PLPPR5: variants seen among roughly 807,000 people sequenced by gnomAD.
PLPPR5 encodes phospholipid phosphatase-related protein type 5.
In PLPPR5, 16 loss-of-function variants were observed where a neutral mutation model predicts 33.9. The ratio of observed to expected loss-of-function variants is 0.47; its 90% CI spans 0.32 to 0.72. The LOEUF (loss-of-function observed/expected upper bound fraction) is 0.72. PLPPR5 is among the 30% of genes least tolerant of loss of function. The probability of loss-of-function intolerance (pLI) is 0.03; values close to 1 mark genes in which losing one functional copy is unlikely to be tolerated. For synonymous variants in PLPPR5, 163 were observed against 150.3 expected (o/e 1.08, Z -0.62); for missense variants, 301 against 406.7 (o/e 0.74, Z 2.23).
chr1:98,981,912 G>T (rs1044784227), intron 1 of PLPPR5, among the ~76,000 whole-genome samples: 4 of 152,094 alleles, frequency 2.6e-5, no homozygotes, highest in Non-Finnish European at 5.9e-5. Context: ...GTTAATTGAA[G>T]TTGTAAGTGA....
chr1:98,943,384 AT>A (rs1034799281), intron 3 of PLPPR5, among the ~76,000 whole-genome samples: 8 of 152,198 alleles, frequency 5.3e-5, no homozygotes, highest in Non-Finnish European at 8.8e-5. Flanking sequence ...AGAAAAAAAA[AT>A]ATCCAGATAT....
rs369525525 is a variant in PLPPR5 at position 99,004,437 on chromosome 1, C to A, written c.235G>T (p.Val79Leu). Residue 79 changes from valine (V) to leucine (L), a missense_variant and splice_region_variant, in exon 1 of 6, where the codon GTG becomes TTG. Val to Leu is a conservative substitution (Grantham distance 32). Coordinates refer to ENST00000263177, the MANE Select transcript of PLPPR5 (RefSeq NM_001037317.2). ...AGGGCGAGCGCCCCCGGGCTTACCA[C>A]GAGCACGGGGACCCCGGCGGCCAGC... is the stretch of plus-strand genomic sequence containing the variant. ...YSLAAGVPVL[V>L]IIVGETAVFC... 1.9e-6 allele frequency: 3 copies of A among 1,602,720 alleles called. No homozygotes were observed. The highest frequency in any genetic ancestry group is 1.3e-5 in the African/African-American group (1 of 74,592).
intron 1 of PLPPR5, among the ~76,000 whole-genome samples, chr1:98,975,548 C>T (rs1651820540): frequency 6.6e-6 from 1 of 152,048 alleles, no homozygotes; most frequent in African/African-American, 2.4e-5. Context: ...ATATAACCTA[C>T]ATGTTATTTG....
chr1:98,973,021 C>T (rs1422053710), intron 1 of PLPPR5, among the ~76,000 whole-genome samples: 1 of 152,104 alleles, frequency 6.6e-6, no homozygotes, highest in Non-Finnish European at 1.5e-5. Context: ...AGAACAGACA[C>T]ATACTGTAGC....
rs554640857 is a variant in PLPPR5 at position 98,993,467 on chromosome 1, A to C, written c.237+10968T>G. Among the ~76,000 whole-genome samples the C allele has an allele frequency of 6.6e-5, 10 of 152,224 alleles. No individual in the cohort carries two copies. The East Asian group carries it at 1.7e-3, about 27-fold the overall frequency. Reference sequence around the variant, plus strand: ...AAGAGGAAATAAAGATCTCTTTGTGAAAGACCAAAAAGATTGTCATATAGT... The same window carrying C: ...AAGAGGAAATAAAGATCTCTTTGTGCAAGACCAAAAAGATTGTCATATAGT... On this transcript the variant is annotated intron_variant, in intron 1 of 5. Coordinates refer to ENST00000263177, the MANE Select transcript of PLPPR5 (RefSeq NM_001037317.2).
Position 98,953,166 on chromosome 1 carries a change from C to T in PLPPR5, c.525G>A (p.Glu175=). Residue 175 remains glutamate (E), a synonymous_variant, in exon 3 of 6, where the codon GAG becomes GAA. Coordinates refer to ENST00000263177, the MANE Select transcript of PLPPR5 (RefSeq NM_001037317.2). ...TGAGATCTGGGTTGCCAGTACAGGC[C>T]TCTTCCCCACTGATGAATTGTGTAT... ...QQYTQFISGE[E]ACTGNPDLIM... 2 of 1,614,064 alleles carry T rather than the reference C, an allele frequency of 1.2e-6. No homozygotes were observed. Among genetic ancestry groups the T allele is most frequent in the Non-Finnish European group, 1.7e-6 (2 of 1,180,002 alleles).
At chr1:98,973,081 T>C (rs1651713646) in intron 1 of PLPPR5, among the ~76,000 whole-genome samples, 1 of 152,068 alleles carries the variant, frequency 6.6e-6, no homozygotes, top group Non-Finnish European at 1.5e-5. Flanking sequence ...TGTTCAGATA[T>C]TGAATTAGTC....
At chr1:98,980,193 T>C (rs1652016301) in intron 1 of PLPPR5, among the ~76,000 whole-genome samples, 1 of 152,072 alleles carries the variant, frequency 6.6e-6, no homozygotes, top group Non-Finnish European at 1.5e-5. Context: ...TTTTGTGGCT[T>C]GACCTGCCTA....
At chr1:98,918,594 T>G (rs1212670544) in intron 4 of PLPPR5, among the ~76,000 whole-genome samples, 1 of 152,130 alleles carries the variant, frequency 6.6e-6, no homozygotes, top group African/African-American at 2.4e-5. Context: ...CTTATTAAAT[T>G]ATAAGAGGAC....
chr1:98,988,838 G>A (rs549461161), intron 1 of PLPPR5, among the ~76,000 whole-genome samples: 3 of 151,982 alleles, frequency 2.0e-5, no homozygotes, highest in African/African-American at 7.2e-5. Context: ...TTTCTCAATC[G>A]GTGCCTTCTG....
chr1:98,996,454 C>T (rs1478491071), intron 1 of PLPPR5, among the ~76,000 whole-genome samples: 2 of 152,084 alleles, frequency 1.3e-5, no homozygotes, highest in Admixed American at 1.3e-4. Flanking sequence ...TCTTAAACTA[C>T]ATCTGTCATA....
chr1:98,943,184 G>A (rs1194931971), intron 3 of PLPPR5, among the ~76,000 whole-genome samples: 2 of 152,124 alleles, frequency 1.3e-5, no homozygotes, highest in African/African-American at 4.8e-5. Context: ...ATGACATGAG[G>A]GTGGGTGCCC....
intron 2 of PLPPR5, among the ~76,000 whole-genome samples, chr1:98,955,900 TA>T (rs1175351853): frequency 2.6e-5 from 4 of 152,122 alleles, no homozygotes; most frequent in Non-Finnish European, 5.9e-5. Flanking sequence ...TTGCGTCAGT[TA>T]AAAAATGGGT....
chr1:98,942,656 A>C, intron 3 of PLPPR5, among the ~76,000 whole-genome samples: 1 of 152,186 alleles, frequency 6.6e-6, no homozygotes, highest in East Asian at 1.9e-4. Context: ...AGAAAGTGAT[A>C]GCTCTATCTG....
At chr1:98,898,484 G>A (rs1440663384) in intron 5 of PLPPR5, among the ~76,000 whole-genome samples, 1 of 152,130 alleles carries the variant, frequency 6.6e-6, no homozygotes, top group Non-Finnish European at 1.5e-5. Context: ...GAGCAGAAGA[G>A]AGGCAAAAAG....
intron 1 of PLPPR5, among the ~76,000 whole-genome samples, chr1:98,981,831 A>G (rs1246558028): frequency 2.0e-5 from 3 of 152,066 alleles, no homozygotes; most frequent in Admixed American, 6.6e-5. Flanking sequence ...CAAATTAGGA[A>G]ATCCTGAATT....
At chr1:98,997,106 C>T (rs1652657427) in intron 1 of PLPPR5, among the ~76,000 whole-genome samples, 1 of 152,122 alleles carries the variant, frequency 6.6e-6, no homozygotes, top group African/African-American at 2.4e-5. Context: ...CACATAATGT[C>T]ATTTGCTCTG....
At chr1:98,949,359 GT>G (rs1398359812) in intron 3 of PLPPR5, among the ~76,000 whole-genome samples, 2 of 151,866 alleles carry the variant, frequency 1.3e-5, no homozygotes, top group African/African-American at 4.8e-5. Context: ...AAAGTCAGAT[GT>G]TAAGGGAGAG....
intron 1 of PLPPR5, among the ~76,000 whole-genome samples, chr1:98,971,107 T>A (rs1173942341): frequency 6.6e-6 from 1 of 152,072 alleles, no homozygotes. Context: ...AATGTTCATT[T>A]CTGCAGTGTT....
Sources: gnomAD v4.1 joint callset for allele counts (sites outside exome capture counted in the v4.1 genomes callset) on GRCh38, gnomAD v4.1.1 for gene constraint, MANE v1.5 for transcripts, NCBI Gene and HGNC (gene_info 2026-07-23, HGNC 2026-07-21) for gene names.